PDIA5: variants seen among roughly 807,000 people sequenced by gnomAD.
The protein encoded by PDIA5 is protein disulfide-isomerase A5.
PDIA5 carries 58 observed loss-of-function variants against 77.6 expected under a neutral mutation model. That is an observed-to-expected ratio of 0.75 (90% confidence interval 0.61 to 0.93). PDIA5 has a LOEUF of 0.93. Among genes scored for constraint, PDIA5 ranks in the 40% least tolerant of loss-of-function variants. The pLI, the probability that PDIA5 is intolerant of heterozygous loss-of-function variation, is 0.00. For synonymous variants in PDIA5, 250 were observed against 252.1 expected (o/e 0.99, Z 0.08); for missense variants, 630 against 647.7 (o/e 0.97, Z 0.30).
chr3:123,070,174 T>G (rs1192398115), intron 1 of PDIA5, among the ~76,000 whole-genome samples: 1 of 152,148 alleles, frequency 6.6e-6, no homozygotes, highest in African/African-American at 2.4e-5. Context: ...TACCAGAATA[T>G]TATGTTTATT....
chr3:123,108,402 T>A (rs1377709412), intron 6 of PDIA5, among the ~76,000 whole-genome samples: 1 of 151,144 alleles, frequency 6.6e-6, no homozygotes, highest in Non-Finnish European at 1.5e-5. Flanking sequence ...TACCTTGGCC[T>A]CCTGAGTAGC....
At chr3:123,113,577 C>T (rs1216195746) in intron 7 of PDIA5, among the ~76,000 whole-genome samples, 2 of 152,120 alleles carry the variant, frequency 1.3e-5, no homozygotes, top group Non-Finnish European at 2.9e-5. Flanking sequence ...AACCTCGGGA[C>T]CCTTTTTTTG....
At chr3:123,121,490 C>T (rs1651395772) in intron 8 of PDIA5, among the ~76,000 whole-genome samples, 1 of 152,182 alleles carries the variant, frequency 6.6e-6, no homozygotes, top group Non-Finnish European at 1.5e-5. Flanking sequence ...AAATTTTTGC[C>T]TCATTAACTA....
chr3:123,116,979 A>T (rs1193740694), intron 8 of PDIA5, among the ~76,000 whole-genome samples: 1 of 137,530 alleles, frequency 7.3e-6, no homozygotes, highest in Non-Finnish European at 1.6e-5. Flanking sequence ...AGCAGCTGGG[A>T]TGGGGCGGGG....
intron 3 of PDIA5, among the ~76,000 whole-genome samples, chr3:123,101,622 A>G (rs558219656): frequency 2.6e-5 from 4 of 152,216 alleles, no homozygotes; most frequent in Non-Finnish European, 4.4e-5. Flanking sequence ...TATATAGCAG[A>G]TAGCCTATGT....
chr3:123,073,914 G>T (rs1190365417), intron 1 of PDIA5, among the ~76,000 whole-genome samples: 2 of 152,188 alleles, frequency 1.3e-5, no homozygotes, highest in African/African-American at 4.8e-5. Flanking sequence ...GTAAACTGGG[G>T]CTTAAACATA....
chr3:123,148,556 G>T (rs1269195874), intron 13 of PDIA5, among the ~76,000 whole-genome samples: 1 of 148,788 alleles, frequency 6.7e-6, no homozygotes, highest in Non-Finnish European at 1.5e-5. Context: ...GCAACAGAGT[G>T]AGACCCTGTC....
At chr3:123,135,460 G>A (rs1560544454) in intron 11 of PDIA5, among the ~76,000 whole-genome samples, 2 of 152,156 alleles carry the variant, frequency 1.3e-5, no homozygotes, top group African/African-American at 2.4e-5. Flanking sequence ...CTGACTCATC[G>A]ACCCATTTTC....
At chr3:123,115,194 T>C (rs73856822) in intron 7 of PDIA5, among the ~76,000 whole-genome samples, 6,851 of 152,280 alleles carry the variant, frequency 0.045, 504 homozygotes, top group African/African-American at 0.15. Flanking sequence ...TCTTAAGCCC[T>C]GTTTTGTAGC....
intron 8 of PDIA5, among the ~76,000 whole-genome samples, chr3:123,118,320 A>G (rs1002436258): frequency 6.6e-5 from 10 of 152,214 alleles, no homozygotes; most frequent in African/African-American, 2.4e-4. Context: ...GAGATTATTT[A>G]GCCTGGAGAA....
intron 1 of PDIA5, among the ~76,000 whole-genome samples, chr3:123,072,948 G>GTGT (rs377523246): frequency 1.3e-5 from 2 of 149,404 alleles, no homozygotes; most frequent in African/African-American, 2.5e-5. Flanking sequence ...GTGTGTATGT[G>GTGT]GTGTTGTTGT....
chr3:123,103,132 C>T (rs1229521517), intron 5 of PDIA5, among the ~76,000 whole-genome samples: 2 of 152,184 alleles, frequency 1.3e-5, no homozygotes, highest in Non-Finnish European at 1.5e-5. Context: ...GTAGTGGCCA[C>T]CCTCAGGCTG....
chr3:123,078,332 G>A (rs574579911), intron 1 of PDIA5, among the ~76,000 whole-genome samples: 5 of 152,310 alleles, frequency 3.3e-5, no homozygotes, highest in Admixed American at 6.5e-5. Flanking sequence ...GCGCTGGGCC[G>A]GGAGGAATCA....
At position 123,124,078 on chromosome 3, in the gene PDIA5, A is replaced by T; in HGVS notation, c.622A>T (p.Met208Leu). 1 of 1,613,626 alleles carries T rather than the reference A, an allele frequency of 6.2e-7. No homozygotes were observed. The highest frequency in any genetic ancestry group is 8.5e-7 in the Non-Finnish European group (1 of 1,179,566). ...QLRGHAVLAG[M>L]NVYSSEFENI... ...CGCTTCCTCCCAGGTGCTGGCCGGGATGAATGTCTACTCCTCTGAATTTGA... is the reference window on the plus strand; with the variant it reads ...CGCTTCCTCCCAGGTGCTGGCCGGGTTGAATGTCTACTCCTCTGAATTTGA... The change falls in exon 9 of 17, where the codon ATG (methionine) becomes TTG (leucine). Residue 208 changes from methionine to leucine, a missense_variant. Coordinates refer to ENST00000316218, the MANE Select transcript of PDIA5 (RefSeq NM_006810.4).
At chr3:123,115,398 G>A (rs1190964779) in intron 7 of PDIA5, among the ~76,000 whole-genome samples, 3 of 152,142 alleles carry the variant, frequency 2.0e-5, no homozygotes, top group Non-Finnish European at 4.4e-5. Flanking sequence ...AGGAGTTCAA[G>A]GCCCCCTATC....
chr3:123,103,343 C>G (rs917843222), intron 5 of PDIA5, among the ~76,000 whole-genome samples: 1 of 152,190 alleles, frequency 6.6e-6, no homozygotes, highest in Non-Finnish European at 1.5e-5. Context: ...AGCGGCTGCC[C>G]CAGCCCTTAG....
chr3:123,161,213 A>G (rs1576470459), intron 15 of PDIA5, 108 bp from the exon 16 acceptor site: 1 of 1,230,930 alleles, frequency 8.1e-7, no homozygotes, highest in East Asian at 2.4e-5. Flanking sequence ...ACTGAGGAGA[A>G]AAATCAGAGT....
chr3:123,082,388 G>T (rs1934033356), intron 1 of PDIA5, among the ~76,000 whole-genome samples: 1 of 152,082 alleles, frequency 6.6e-6, no homozygotes, highest in African/African-American at 2.4e-5. Context: ...TAACCTGTCT[G>T]AGCCTCAGTT....
In PDIA5 at chr3:123,149,493, C is replaced by T. The variant is rs199825785; in HGVS notation, c.1143-741C>T. Among the ~76,000 whole-genome samples the T allele has an allele frequency of 2.6e-5, 4 of 152,274 alleles. No individual in the cohort carries two copies. In the East Asian group the frequency reaches 7.7e-4, roughly 29 times the overall value. ...GGGAGCTGAGTTATAGAGAGGGAAG[C>T]AGGGGAGCAAAAGCTATTGCAAGAC... On this transcript the variant is annotated intron_variant, in intron 13 of 16. Coordinates refer to ENST00000316218, the MANE Select transcript of PDIA5 (RefSeq NM_006810.4).
Sources: gnomAD v4.1 joint callset for allele counts (sites outside exome capture counted in the v4.1 genomes callset) on GRCh38, gnomAD v4.1.1 for gene constraint, MANE v1.5 for transcripts, NCBI Gene and HGNC (gene_info 2026-07-23, HGNC 2026-07-21) for gene names.